Variants in C10orf90 observed in about 807,000 individuals in gnomAD.
C10orf90 encodes the protein (E2-independent) E3 ubiquitin-conjugating enzyme FATS.
In C10orf90, 56 loss-of-function variants were observed where a neutral mutation model predicts 62.5. The observed-to-expected ratio is 0.90, with a 90% CI of 0.72 to 1.12. The LOEUF (loss-of-function observed/expected upper bound fraction) is 1.12. C10orf90 is among the 50% of genes most tolerant of loss of function. The pLI is 0.00. For synonymous variants in C10orf90, 386 were observed against 340.4 expected, an observed-to-expected ratio of 1.13 and a Z score of -1.47; for missense variants, 970 against 880.4, an observed-to-expected ratio of 1.10 and a Z score of -1.29.
rs538048163 is a variant in C10orf90 at position 126,465,089 on chromosome 10, G to A, written c.1535-103C>T. ...CTTTTCTCGGGACAGACTTGGGGGGGAGTACAGCACTGCAAGTTCAGTTAG... is the reference window on the plus strand; with the variant it reads ...CTTTTCTCGGGACAGACTTGGGGGGAAGTACAGCACTGCAAGTTCAGTTAG... On this transcript the variant is annotated intron_variant, in intron 4 of 9. Coordinates refer to ENST00000488181, the MANE Select transcript of C10orf90 (RefSeq NM_001350921.2). The A allele has an allele frequency of 4.2e-4, 525 of 1,248,950 alleles. 1 individual carries two copies. Among genetic ancestry groups the A allele is most frequent in the Admixed American group, 4.8e-4 (23 of 48,066 alleles). The allele number at this position is 1,248,950 out of a possible 1,614,324, so 77.4% of individuals were successfully genotyped here.
At chr10:126,562,538 G>A (rs1458174584) in intron 2 of C10orf90, among the ~76,000 whole-genome samples, 1 of 152,216 alleles carries the variant, frequency 6.6e-6, no homozygotes, top group Admixed American at 6.5e-5. Flanking sequence ...GGTGGCCCAA[G>A]TGACCTTGCT....
chr10:126,435,864 C>G (rs1857884938), intron 7 of C10orf90, among the ~76,000 whole-genome samples: 2 of 152,142 alleles, frequency 1.3e-5, no homozygotes, highest in Admixed American at 6.5e-5. Flanking sequence ...CACATGAACT[C>G]CTGGAAGACA....
rs11814084 is a variant in C10orf90, at chr10:126,565,006, T to A, written c.314-51067A>T. Among the ~76,000 whole-genome samples, 26 of 7,724 alleles carry A rather than the reference T, an allele frequency of 3.4e-3. 5 individuals are homozygous for A. The highest frequency in any genetic ancestry group is 6.7e-3 in the Non-Finnish European group (23 of 3,418). 5.1% of individuals were successfully genotyped at this position (7,724 alleles called of 152,430 possible). A position where few individuals can be genotyped will look rare whatever the true frequency, so the allele number is the denominator to read the frequency against. On this transcript the variant is annotated intron_variant, in intron 2 of 9. Transcript: ENST00000488181. ...AATATAAAATATATATTATATATAA[T>A]ATATATAATATATATTATATATTAT... is the stretch of plus-strand genomic sequence containing the variant.
At chr10:126,460,329 G>T (rs1859887067) in intron 6 of C10orf90, among the ~76,000 whole-genome samples, 1 of 152,252 alleles carries the variant, frequency 6.6e-6, no homozygotes, top group Non-Finnish European at 1.5e-5. Flanking sequence ...CACAGTAGGA[G>T]TCCTGCATGT....
intron 2 of C10orf90, among the ~76,000 whole-genome samples, chr10:126,581,158 G>A (rs1844743625): frequency 6.6e-6 from 1 of 152,204 alleles, no homozygotes; most frequent in African/African-American, 2.4e-5. Flanking sequence ...AGCTAGATCA[G>A]CTTTCTCATT....
At chr10:126,554,567 A>G (rs956688039) in intron 2 of C10orf90, among the ~76,000 whole-genome samples, 2 of 152,210 alleles carry the variant, frequency 1.3e-5, no homozygotes, top group African/African-American at 4.8e-5. Context: ...AAATCCACTA[A>G]GCACGGTGCA....
At chr10:126,526,125 G>A (rs1334589393) in intron 2 of C10orf90, among the ~76,000 whole-genome samples, 1 of 151,736 alleles carries the variant, frequency 6.6e-6, no homozygotes, top group Non-Finnish European at 1.5e-5. Flanking sequence ...AAGTCACAAA[G>A]TCAGGCTCCC....
intron 4 of C10orf90, among the ~76,000 whole-genome samples, chr10:126,471,275 G>A (rs1860573133): frequency 1.3e-5 from 2 of 152,326 alleles, no homozygotes; most frequent in South Asian, 4.1e-4. Flanking sequence ...GGCAACAGCG[G>A]GGCTGGAGGA....
chr10:126,565,050 A>T lies in C10orf90; in HGVS notation c.314-51111T>A, dbSNP rs1193592681. On this transcript the variant is annotated intron_variant, in intron 2 of 9. Coordinates refer to ENST00000488181, the MANE Select transcript of C10orf90 (RefSeq NM_001350921.2). ...ATATTATATAAAATATATAATATAT[A>T]ATATATAAAATATATATTATATATA... Among the ~76,000 whole-genome samples, 94 of 24,558 alleles carry T rather than the reference A, an allele frequency of 3.8e-3. 3 individuals carry two copies. The highest frequency in any genetic ancestry group is 4.4e-3 in the Non-Finnish European group (59 of 13,436). The allele number at this position is 24,558 out of a possible 152,430, so 16.1% of individuals were successfully genotyped here. A position where few individuals can be genotyped will look rare whatever the true frequency, so the allele number is the denominator to read the frequency against.
At chr10:126,488,054 T>C (rs781656402) in intron 4 of C10orf90, among the ~76,000 whole-genome samples, 39 of 151,630 alleles carry the variant, frequency 2.6e-4, no homozygotes, top group Non-Finnish European at 5.3e-4. Context: ...AGACAAAAAG[T>C]GGAATGAGAA....
At chr10:126,440,595 G>C (rs956562886) in intron 7 of C10orf90, among the ~76,000 whole-genome samples, 1 of 152,100 alleles carries the variant, frequency 6.6e-6, no homozygotes, top group Non-Finnish European at 1.5e-5. Context: ...CACAAAAATA[G>C]AGTATTAAAC....
chr10:126,525,483 G>T (rs1013920551), intron 2 of C10orf90, among the ~76,000 whole-genome samples: 1 of 152,222 alleles, frequency 6.6e-6, no homozygotes, highest in African/African-American at 2.4e-5. Flanking sequence ...GGAGCAGAAT[G>T]TCTAGAGCCC....
At chr10:126,631,930 A>T (rs1255096921) in intron 2 of C10orf90, among the ~76,000 whole-genome samples, 1 of 152,112 alleles carries the variant, frequency 6.6e-6, no homozygotes, top group Non-Finnish European at 1.5e-5. Context: ...AGACACTGAC[A>T]CAGGGGACCA....
chr10:126,609,084 G>A (rs546756980), intron 2 of C10orf90, among the ~76,000 whole-genome samples: 2 of 152,314 alleles, frequency 1.3e-5, no homozygotes, highest in South Asian at 4.1e-4. Flanking sequence ...TTATCCAGTT[G>A]TAAAAGGAGG....
intron 7 of C10orf90, among the ~76,000 whole-genome samples, chr10:126,434,058 T>C (rs1234701152): frequency 6.6e-6 from 1 of 152,246 alleles, no homozygotes; most frequent in Non-Finnish European, 1.5e-5. Context: ...GGATCCAAAC[T>C]ACAGTGTCTA....
intron 2 of C10orf90, among the ~76,000 whole-genome samples, chr10:126,570,749 T>C (rs531255453): frequency 6.6e-6 from 1 of 152,162 alleles, no homozygotes; most frequent in Non-Finnish European, 1.5e-5. Context: ...TACTATTCCA[T>C]TTCTGTATTC....
intron 2 of C10orf90, among the ~76,000 whole-genome samples, chr10:126,606,011 C>A (rs1845303629): frequency 6.6e-6 from 1 of 152,152 alleles, no homozygotes; most frequent in South Asian, 2.1e-4. Flanking sequence ...TTTTGAGATT[C>A]AAATTAGTAG....
At chr10:126,614,513 G>C (rs1156918738) in intron 2 of C10orf90, among the ~76,000 whole-genome samples, 1 of 152,136 alleles carries the variant, frequency 6.6e-6, no homozygotes, top group African/African-American at 2.4e-5. Context: ...GATGATCTCT[G>C]CCCTTCCCCT....
chr10:126,556,786 G>T (rs1344968028), intron 2 of C10orf90, among the ~76,000 whole-genome samples: 1 of 151,906 alleles, frequency 6.6e-6, no homozygotes, highest in Non-Finnish European at 1.5e-5. Context: ...TCTGAAAAGG[G>T]GCAGGAGAGA....
Sources: allele counts gnomAD v4.1 joint callset (sites outside exome capture counted in the v4.1 genomes callset), GRCh38; gene constraint gnomAD v4.1.1; transcripts MANE v1.5; gene names NCBI Gene and HGNC (gene_info 2026-07-23, HGNC 2026-07-21).